Variants in APIP observed in about 807,000 individuals in gnomAD.
APIP encodes methylthioribulose-1-phosphate dehydratase.
APIP carries 32 observed loss-of-function variants against 32.0 expected under a neutral mutation model. That is an observed-to-expected ratio of 1.00 (90% CI 0.76 to 1.34). The LOEUF is 1.34. APIP is among the 40% of genes most tolerant of loss of function. The probability of loss-of-function intolerance (pLI) is 0.00; values close to 1 mark genes in which losing one functional copy is unlikely to be tolerated. For missense variants in APIP, 247 were observed against 298.6 expected, an observed-to-expected ratio of 0.83 and a Z score of 1.27; for synonymous variants, 92 against 94.8, an observed-to-expected ratio of 0.97 and a Z score of 0.17.
chr11:34,890,847 A>C (rs1853175086), intron 2 of APIP: 1 of 201,120 alleles, frequency 5.0e-6, no homozygotes, highest in Non-Finnish European at 1.0e-5. Context: ...TAGGGGAATA[A>C]AAATCTGAAA....
At chr11:34,912,707 A>C (rs1227866141) in intron 1 of APIP, among the ~76,000 whole-genome samples, 1 of 152,174 alleles carries the variant, frequency 6.6e-6, no homozygotes, top group African/African-American at 2.4e-5. Context: ...ATGCTTCCCG[A>C]CTTGAACACT....
chr11:34,906,451 G>A (rs1164759776), intron 1 of APIP, among the ~76,000 whole-genome samples: 1 of 152,116 alleles, frequency 6.6e-6, no homozygotes, highest in Non-Finnish European at 1.5e-5. Flanking sequence ...AACCATGAAT[G>A]GGAAATTCTA....
intron 5 of APIP, among the ~76,000 whole-genome samples, chr11:34,884,693 T>A (rs941620589): frequency 6.6e-6 from 1 of 150,946 alleles, no homozygotes; most frequent in Non-Finnish European, 1.5e-5. Context: ...CACTACACTC[T>A]AGCCTTGGCG....
At chr11:34,891,720 GCA>G (rs1489508338) in intron 2 of APIP, among the ~76,000 whole-genome samples, 1 of 152,172 alleles carries the variant, frequency 6.6e-6, no homozygotes, top group African/African-American at 2.4e-5. Flanking sequence ...CTGCACGCGA[GCA>G]TTTGCTTTCA....
intron 1 of APIP, among the ~76,000 whole-genome samples, chr11:34,906,796 G>A (rs1342792504): frequency 2.6e-5 from 4 of 152,176 alleles, no homozygotes; most frequent in Non-Finnish European, 4.4e-5. Flanking sequence ...GCCCCGGGTG[G>A]CTACAATTCC....
intron 1 of APIP, among the ~76,000 whole-genome samples, chr11:34,908,259 A>C (rs971002145): frequency 6.6e-6 from 1 of 152,246 alleles, no homozygotes; most frequent in African/African-American, 2.4e-5. Context: ...AACTGCCAGG[A>C]TTCCACAACT....
At chr11:34,892,750 T>C (rs1430670472) in intron 2 of APIP, among the ~76,000 whole-genome samples, 1 of 152,202 alleles carries the variant, frequency 6.6e-6, no homozygotes, top group Non-Finnish European at 1.5e-5. Flanking sequence ...TAGTAAATCA[T>C]TTTATGTTCC....
chr11:34,902,084 C>T (rs1853379447), intron 1 of APIP, among the ~76,000 whole-genome samples: 1 of 152,196 alleles, frequency 6.6e-6, no homozygotes, highest in South Asian at 2.1e-4. Flanking sequence ...TACCTAATCC[C>T]TATACCCTGT....
chr11:34,905,541 C>G (rs531906322), intron 1 of APIP, among the ~76,000 whole-genome samples: 1 of 152,192 alleles, frequency 6.6e-6, no homozygotes, highest in Non-Finnish European at 1.5e-5. Flanking sequence ...GACTGAGTAA[C>G]AGCAAATGCC....
At chr11:34,916,036 G>A (rs945852846) in intron 1 of APIP, 192 bp downstream of exon 1, 2 of 699,122 alleles carry the variant, frequency 2.9e-6, no homozygotes, top group Non-Finnish European at 4.6e-6. Flanking sequence ...CGAGACCACT[G>A]ATCTCCTGGG....
intron 1 of APIP, among the ~76,000 whole-genome samples, chr11:34,907,358 C>T (rs903431736): frequency 5.9e-5 from 9 of 152,282 alleles, no homozygotes; most frequent in Admixed American, 5.2e-4. Context: ...GCACACATTA[C>T]AGAAAATGGT....
At chr11:34,906,981 G>A (rs1117445) in intron 1 of APIP, among the ~76,000 whole-genome samples, 119,814 of 151,730 alleles carry the variant, frequency 0.79, 47,466 homozygotes, top group East Asian at 0.83. Context: ...CGAACCACAC[G>A]TGGACGTGCC....
chr11:34,915,736 G>A (rs1208016902), intron 1 of APIP: 3 of 169,778 alleles, frequency 1.8e-5, no homozygotes, highest in African/African-American at 7.3e-5. Context: ...AGATAGGCAA[G>A]GAGCAACTGC....
At chr11:34,891,941 G>A (rs187217513) in intron 2 of APIP, among the ~76,000 whole-genome samples, 10 of 152,230 alleles carry the variant, frequency 6.6e-5, no homozygotes, top group Admixed American at 3.9e-4. Flanking sequence ...GGACTTGTGG[G>A]TCTTCTTATG....
chr11:34,888,551 G>A (rs940107509), intron 4 of APIP, 123 bp from the exon 5 acceptor site: 2 of 1,407,532 alleles, frequency 1.4e-6, no homozygotes, highest in South Asian at 2.8e-5. Flanking sequence ...TCCTGGCATG[G>A]AATAAGTTGG....
At chr11:34,896,947 C>T (rs1441541173) in intron 1 of APIP, 2 of 502,834 alleles carry the variant, frequency 4.0e-6, no homozygotes, top group East Asian at 1.4e-4. Flanking sequence ...CTGAGGTCTA[C>T]CTTCAAGGTA....
At chr11:34,896,625 G>T in intron 1 of APIP, 1 of 410,094 alleles carries the variant, frequency 2.4e-6, no homozygotes, top group Non-Finnish European at 4.5e-6. Flanking sequence ...TAACATAGAT[G>T]ATGAGTTGAG....
At chr11:34,915,853 G>A (rs1161977215) in intron 1 of APIP, 5 of 300,560 alleles carry the variant, frequency 1.7e-5, no homozygotes, top group Non-Finnish European at 2.5e-5. Context: ...GCGCAGAAAA[G>A]AAGCTTGGGG....
intron 1 of APIP, among the ~76,000 whole-genome samples, chr11:34,913,855 A>G (rs1464815971): frequency 5.9e-5 from 9 of 152,216 alleles, no homozygotes; most frequent in African/African-American, 2.2e-4. Flanking sequence ...CTAGACAGAA[A>G]AGTTCTCCAA....
Sources: allele counts gnomAD v4.1 joint callset (sites outside exome capture counted in the v4.1 genomes callset), GRCh38; gene constraint gnomAD v4.1.1; transcripts MANE v1.5; gene names NCBI Gene and HGNC (gene_info 2026-07-23, HGNC 2026-07-21).